Variants in EYA1 observed in about 807,000 individuals in gnomAD.
EYA1 encodes the protein protein phosphatase EYA1.
In EYA1, 16 loss-of-function variants were observed where a neutral mutation model predicts 82.0. The observed-to-expected ratio is 0.20, with a 90% CI of 0.13 to 0.30. EYA1 has a LOEUF of 0.30. Ranked by LOEUF, EYA1 falls within the 10% of genes least tolerant of loss-of-function variation. The pLI is 1.00. For synonymous variants in EYA1, 261 were observed against 264.4 expected, an observed-to-expected ratio of 0.99 and a Z score of 0.12; for missense variants, 633 against 730.7, an observed-to-expected ratio of 0.87 and a Z score of 1.54.
At chr8:71,207,653 T>C (rs1795172349) in intron 17 of EYA1, among the ~76,000 whole-genome samples, 1 of 152,120 alleles carries the variant, frequency 6.6e-6, no homozygotes, top group African/African-American at 2.4e-5. Flanking sequence ...GTGCCCTATA[T>C]TAAAAAAAAG....
At chr8:71,313,567 G>A (rs1313081864) in intron 7 of EYA1, among the ~76,000 whole-genome samples, 1 of 152,124 alleles carries the variant, frequency 6.6e-6, no homozygotes, top group Non-Finnish European at 1.5e-5. Context: ...ACCACAGGTT[G>A]GTCAGAGTGA....
In EYA1 at chr8:71,356,525, TA is replaced by T. The variant is rs772337836; in HGVS notation, c.-54-15del. 6.4e-6 allele frequency: 10 copies of T among 1,561,198 alleles called. No individual in the cohort carries two copies. The highest frequency in any genetic ancestry group is 8.7e-6 in the Non-Finnish European group (10 of 1,152,356). On this transcript the variant is annotated splice_polypyrimidine_tract_variant and intron_variant, in intron 1 of 17. Coordinates refer to ENST00000340726, the MANE Select transcript of EYA1 (RefSeq NM_000503.6). ...AGATGTTTGCACCTGTGATCAGGGGTAAAAAAATTAGAAGATGTTGTTACTC... is the reference window on the plus strand; with the variant it reads ...AGATGTTTGCACCTGTGATCAGGGGTAAAAAATTAGAAGATGTTGTTACTC...
intron 2 of EYA1, chr8:71,531,292 G>A (rs1814254828): frequency 6.6e-6 from 1 of 152,156 alleles, no homozygotes; most frequent in South Asian, 2.1e-4. Flanking sequence ...ATCAGAGAAG[G>A]CAAATATTAT....
chr8:71,459,698 T>A (rs553780418), intron 2 of EYA1, among the ~76,000 whole-genome samples: 1 of 152,292 alleles, frequency 6.6e-6, no homozygotes, highest in Non-Finnish European at 1.5e-5. Context: ...CTGTTCATCA[T>A]ACTCTGAGAG....
At chr8:71,444,318 GAC>G (rs1806676827) in intron 2 of EYA1, among the ~76,000 whole-genome samples, 1 of 152,196 alleles carries the variant, frequency 6.6e-6, no homozygotes, top group Admixed American at 6.5e-5. Flanking sequence ...TCTAAAGAAA[GAC>G]ATGTGGGGAC....
At chr8:71,430,681 A>G (rs1026566352) in intron 2 of EYA1, among the ~76,000 whole-genome samples, 1 of 152,188 alleles carries the variant, frequency 6.6e-6, no homozygotes, top group Non-Finnish European at 1.5e-5. Context: ...GATGCTGGCC[A>G]AGGGGCTGTT....
At chr8:71,395,750 C>A (rs540401041) in intron 2 of EYA1, among the ~76,000 whole-genome samples, 1 of 151,992 alleles carries the variant, frequency 6.6e-6, no homozygotes, top group Admixed American at 6.6e-5. Context: ...GTGTAAAATT[C>A]TCTTTTTTTG....
intron 2 of EYA1, among the ~76,000 whole-genome samples, chr8:71,518,198 T>C (rs982013934): frequency 4.6e-5 from 7 of 152,128 alleles, no homozygotes; most frequent in Non-Finnish European, 4.4e-5. Context: ...TGTCAACCAA[T>C]ATTTTCAACT....
chr8:71,408,224 G>A lies in EYA1; in HGVS notation c.34-51713C>T, dbSNP rs1264291974. Among the ~76,000 whole-genome samples the A allele has an allele frequency of 2.5e-3, 382 of 151,812 alleles. 4 individuals carry two copies. The highest frequency in any genetic ancestry group is 8.5e-3 in the African/African-American group (353 of 41,416). ...CCCTAAAAGAGCTCCTGAAGGAAGC[G>A]CTAAACATGGAAAGGAACAACTGGT... On this transcript the variant is annotated intron_variant, in intron 2 of 18. Coordinates refer to the EYA1 transcript ENST00000643681.
At chr8:71,435,060 T>C (rs1336785922) in intron 2 of EYA1, among the ~76,000 whole-genome samples, 1 of 152,158 alleles carries the variant, frequency 6.6e-6, no homozygotes, top group Non-Finnish European at 1.5e-5. Flanking sequence ...ATGCATCTTT[T>C]AAGTAAGTAA....
At chr8:71,295,205 G>C (rs1385308149) in intron 9 of EYA1, among the ~76,000 whole-genome samples, 2 of 152,066 alleles carry the variant, frequency 1.3e-5, no homozygotes, top group African/African-American at 4.8e-5. Context: ...CAGGAGCAAA[G>C]GCATGATCCA....
intron 4 of EYA1, among the ~76,000 whole-genome samples, chr8:71,326,439 A>G (rs560932841): frequency 5.9e-5 from 9 of 152,178 alleles, no homozygotes; most frequent in Middle Eastern, 6.8e-3. Flanking sequence ...TGTTCCAGTC[A>G]CCAATGTTGT....
At chr8:71,275,749 A>G (rs766707786) in intron 9 of EYA1, among the ~76,000 whole-genome samples, 9 of 152,212 alleles carry the variant, frequency 5.9e-5, no homozygotes, top group Admixed American at 2.0e-4. Flanking sequence ...TGGCAATAAT[A>G]CAGATTCAAG....
At chr8:71,387,858 A>G (rs1348704709) in intron 2 of EYA1, among the ~76,000 whole-genome samples, 1 of 152,146 alleles carries the variant, frequency 6.6e-6, no homozygotes, top group Non-Finnish European at 1.5e-5. Flanking sequence ...GCATGAGGGC[A>G]GTGGAGAACA....
At chr8:71,425,336 A>G (rs1442152556) in intron 2 of EYA1, among the ~76,000 whole-genome samples, 3 of 152,124 alleles carry the variant, frequency 2.0e-5, no homozygotes, top group African/African-American at 7.2e-5. Flanking sequence ...CTTCTTAAAG[A>G]GGGAGAGGTT....
intron 1 of EYA1, among the ~76,000 whole-genome samples, chr8:71,538,082 A>G (rs1386431868): frequency 6.6e-6 from 1 of 152,218 alleles, no homozygotes; most frequent in Non-Finnish European, 1.5e-5. Flanking sequence ...CTAAATCAGT[A>G]TAGTTGTTTC....
chr8:71,500,092 C>T (rs1811707588), intron 2 of EYA1, among the ~76,000 whole-genome samples: 1 of 152,052 alleles, frequency 6.6e-6, no homozygotes, highest in South Asian at 2.1e-4. Context: ...CTCTCCATGT[C>T]CTGTGTAAAA....
intron 2 of EYA1, among the ~76,000 whole-genome samples, chr8:71,491,733 A>G (rs543541502): frequency 6.6e-6 from 1 of 152,272 alleles, no homozygotes; most frequent in East Asian, 1.9e-4. Context: ...AAGTTAACAC[A>G]CAGGAATCAA....
At chr8:71,312,873 A>G (rs1468638261) in intron 7 of EYA1, among the ~76,000 whole-genome samples, 3 of 152,228 alleles carry the variant, frequency 2.0e-5, no homozygotes, top group Non-Finnish European at 2.9e-5. Flanking sequence ...TGGGCACTAG[A>G]GTTTTCCATC....
Sources: allele counts gnomAD v4.1 joint callset (sites outside exome capture counted in the v4.1 genomes callset), GRCh38; gene constraint gnomAD v4.1.1; transcripts MANE v1.5; gene names NCBI Gene and HGNC (gene_info 2026-07-23, HGNC 2026-07-21).